The following RARA variants were observed in gnomAD, a reference collection of about 807,000 sequenced individuals.
RARA encodes PML-DDX5-RARA fusion.
In RARA, 5 loss-of-function variants were observed where a neutral mutation model predicts 42.8. That is an observed-to-expected ratio of 0.12 (90% CI 0.06 to 0.25). The LOEUF (loss-of-function observed/expected upper bound fraction) is 0.25. Among genes scored for constraint, RARA ranks in the 10% least tolerant of loss-of-function variants. The pLI, the probability that RARA is intolerant of heterozygous loss-of-function variation, is 1.00. For missense variants in RARA, 402 were observed against 628.7 expected, an observed-to-expected ratio of 0.64 and a Z score of 3.86; for synonymous variants, 256 against 259.5, an observed-to-expected ratio of 0.99 and a Z score of 0.13.
chr17:40,351,949 C>T lies in RARA; in HGVS notation c.509C>T (p.Pro170Leu), dbSNP rs747695319. The change falls in exon 5 of 9, where the codon CCC (proline) becomes CTC (leucine). Residue 170 changes from proline to leucine, a missense_variant. Around this residue, in one of 5 missense-constraint regions of RARA, gnomAD observed 130 missense variants for 267.9 expected, o/e 0.49. Coordinates refer to ENST00000254066, the MANE Select transcript of RARA (RefSeq NM_000964.4). This position sits in a 1 kb window ranked among gnomAD's most constrained non-coding sequence, Gnocchi z 4.1. ...CGAAACAAGAAGAAGAAGGAGGTGC[C>T]CAAGCCCGAGTGCTCTGAGAGCTAC... is the stretch of plus-strand genomic sequence containing the variant. ...NDRNKKKKEV[P>L]KPECSESYTL... is the part of the protein sequence containing the mutation. The T allele has an allele frequency of 6.2e-7, 1 of 1,612,650 alleles. No homozygotes were observed. Among genetic ancestry groups the T allele is most frequent in the Admixed American group, 1.7e-5 (1 of 59,590 alleles).
intron 2 of RARA, chr17:40,348,111 G>C (rs1464544336): frequency 2.2e-5 from 11 of 500,452 alleles, no homozygotes; most frequent in Non-Finnish European, 2.7e-5. Context: ...TAGGAGTCCA[G>C]AGGAGTGATG....
intron 6 of RARA, among the ~76,000 whole-genome samples, chr17:40,353,964 T>C (rs1328472949): frequency 6.6e-6 from 1 of 152,214 alleles, no homozygotes; most frequent in Non-Finnish European, 1.5e-5. Flanking sequence ...CTACATTCTT[T>C]GCATGTAGGC....
Position 40,355,881 on chromosome 17 carries a change from A to C in RARA, c.1172-128A>C, listed in dbSNP as rs2034606238. On this transcript the variant is annotated intron_variant, in intron 8 of 8. Transcript: ENST00000254066. The surrounding 1 kb of genome is among the most constrained non-coding windows in gnomAD (Gnocchi z 4.1). ...GCTTAAGAGAGCTGGCTCGTGTCAA[A>C]GAACTGAATCCCAAGAAAGATGCTA... 1 of 886,746 alleles carries C rather than the reference A, an allele frequency of 1.1e-6. No individual in the cohort carries two copies. The highest frequency in any genetic ancestry group is 2.8e-5 in the Admixed American group (1 of 35,418). 54.9% of individuals were successfully genotyped at this position (886,746 alleles called of 1,614,324 possible). A position where few individuals can be genotyped will look rare whatever the true frequency, so the allele number is the denominator to read the frequency against.
At position 40,352,426 on chromosome 17, in the gene RARA, C is replaced by T. The variant is rs150816475; in HGVS notation, c.726C>T (p.Phe242=). 67 of 1,613,904 alleles carry T rather than the reference C, an allele frequency of 4.2e-5. No homozygotes were observed. In the African/African-American group the frequency reaches 6.9e-4, roughly 17 times the overall value. The change falls in exon 6 of 9, where the codon TTC becomes TTT. Residue 242 remains phenylalanine (F), a synonymous_variant. Coordinates refer to ENST00000254066, the MANE Select transcript of RARA (RefSeq NM_000964.4). This position sits in a 1 kb window ranked among gnomAD's most constrained non-coding sequence, Gnocchi z 4.9. ...STKCIIKTVE[F]AKQLPGFTTL... is the part of the protein sequence containing the mutation. ...AGTGCATCATTAAGACTGTGGAGTT[C>T]GCCAAGCAGCTGCCCGGCTTCACCA...
chr17:40,324,618 G>A (rs939605843), intron 1 of RARA, among the ~76,000 whole-genome samples: 7 of 152,168 alleles, frequency 4.6e-5, no homozygotes, highest in Admixed American at 2.6e-4. Flanking sequence ...TATGGCGTGT[G>A]GGGGTCCTGC....
At position 40,309,206 on chromosome 17, in the gene RARA, G is replaced by A. The variant is rs1473998443; in HGVS notation, c.-443G>A. The stretch of plus-strand genomic sequence containing the variant: ...CAGCAGCCTAACCCAGAAGCAGGGG[G>A]GAATCCTGAATCGAGCTGAGAGGGC... On this transcript the variant is annotated 5_prime_UTR_variant, in exon 1 of 9. Transcript: ENST00000254066. 2.0e-5 allele frequency: 3 copies of A among 152,354 alleles called. No individual in the cohort carries two copies. Among genetic ancestry groups the A allele is most frequent in the African/African-American group, 7.2e-5 (3 of 41,454 alleles). 9.4% of individuals were successfully genotyped at this position (152,354 alleles called of 1,614,324 possible).
chr17:40,343,865 T>A (rs2034160291), intron 2 of RARA, among the ~76,000 whole-genome samples: 1 of 152,138 alleles, frequency 6.6e-6, no homozygotes, highest in African/African-American at 2.4e-5. Context: ...CTGTGCACAC[T>A]CAGGAGCTCG....
At chr17:40,333,542 G>A (rs756433356) in intron 2 of RARA, among the ~76,000 whole-genome samples, 2 of 151,006 alleles carry the variant, frequency 1.3e-5, no homozygotes, top group Non-Finnish European at 2.9e-5. Flanking sequence ...TGCCATGTTG[G>A]CCAGGCCAGT....
Position 40,331,122 on chromosome 17 carries a change from C to G in RARA, c.-97C>G. On this transcript the variant is annotated 5_prime_UTR_variant, in exon 2 of 9. In the 5' UTR this introduces an upstream ATG that the reference lacks. Coordinates refer to ENST00000254066, the MANE Select transcript of RARA (RefSeq NM_000964.4). ...GGTGGGCTGACCACCCAAACCCCAT[C>G]TGGGCCCAGGCCCCATGCCCCGAGG... 4.3e-6 allele frequency: 6 copies of G among 1,393,866 alleles called. No individual in the cohort carries two copies. In the South Asian group the frequency reaches 6.7e-5, roughly 16 times the overall value. The allele number at this position is 1,393,866 out of a possible 1,614,324, so 86.3% of individuals were successfully genotyped here. A position where few individuals can be genotyped will look rare whatever the true frequency, so the allele number is the denominator to read the frequency against.
intron 2 of RARA, among the ~76,000 whole-genome samples, chr17:40,336,590 A>C (rs900956476): frequency 1.3e-5 from 2 of 149,226 alleles, no homozygotes; most frequent in African/African-American, 5.0e-5. Flanking sequence ...GAGTTTCACC[A>C]TGTTAGCCAG....
chr17:40,336,998 G>A (rs1468830012), intron 2 of RARA, among the ~76,000 whole-genome samples: 3 of 152,204 alleles, frequency 2.0e-5, no homozygotes, highest in African/African-American at 4.8e-5. Context: ...GTGCCTGGCC[G>A]TGACCCAGAC....
intron 1 of RARA, among the ~76,000 whole-genome samples, chr17:40,315,169 T>C (rs199818699): frequency 0.088 from 9,438 of 107,118 alleles, 1,236 homozygotes; most frequent in African/African-American, 0.3. Flanking sequence ...TATATATATA[T>C]ATACACACAC....
chr17:40,315,131 TGTATATATATA>T (rs2033174549), intron 1 of RARA, among the ~76,000 whole-genome samples: 3 of 62,646 alleles, frequency 4.8e-5, no homozygotes, highest in East Asian at 1.4e-3. Context: ...TGCTTATATG[TGTATATATATA>T]TATATATATA....
Position 40,355,448 on chromosome 17 carries a change from C to T in RARA, c.1171+27C>T, listed in dbSNP as rs1278979176. ...TGAGGCTCACAGACCTGGAGGGGTA[C>T]CGGCCCCCGACACCTGGCCCAGGCC... On this transcript the variant is annotated intron_variant, in intron 8 of 8. Coordinates refer to ENST00000254066, the MANE Select transcript of RARA (RefSeq NM_000964.4). This position sits in a 1 kb window ranked among gnomAD's most constrained non-coding sequence, Gnocchi z 4.1. 1 of 1,592,948 alleles carries T rather than the reference C, an allele frequency of 6.3e-7. No homozygotes were observed. Among genetic ancestry groups the T allele is most frequent in the Non-Finnish European group, 8.6e-7 (1 of 1,165,610 alleles).
chr17:40,341,986 C>T, intron 2 of RARA: 1 of 1,110,322 alleles, frequency 9.0e-7, no homozygotes, highest in Non-Finnish European at 1.1e-6. Context: ...CCCAGGCTGC[C>T]CCCACTTGCC....
intron 4 of RARA, among the ~76,000 whole-genome samples, chr17:40,350,899 C>T (rs2034422008): frequency 6.6e-6 from 1 of 151,976 alleles, no homozygotes. Flanking sequence ...GTCACCTCCT[C>T]CTCTCTGTTT....
intron 2 of RARA, among the ~76,000 whole-genome samples, chr17:40,335,416 G>A (rs1005508426): frequency 1.3e-5 from 2 of 152,144 alleles, no homozygotes; most frequent in South Asian, 2.1e-4. Flanking sequence ...TGGGCTGGGC[G>A]TGGTGACTCA....
chr17:40,343,991 C>T (rs1273951755), intron 2 of RARA, among the ~76,000 whole-genome samples: 1 of 152,022 alleles, frequency 6.6e-6, no homozygotes, highest in African/African-American at 2.4e-5. Flanking sequence ...TTCTTCCCCT[C>T]CTGGGCTTTG....
intron 1 of RARA, among the ~76,000 whole-genome samples, chr17:40,322,471 G>A (rs1327636408): frequency 6.6e-6 from 1 of 152,048 alleles, no homozygotes; most frequent in Non-Finnish European, 1.5e-5. Context: ...GTCTCCATGT[G>A]TCACTGTACC....
Sources: gnomAD v4.1 joint callset for allele counts (sites outside exome capture counted in the v4.1 genomes callset) on GRCh38, gnomAD v4.1.1 for gene constraint, gnomAD v4.1.1 regional missense constraint, Gnocchi (gnomAD v3.1) non-coding constraint, MANE v1.5 for transcripts, NCBI Gene and HGNC (gene_info 2026-07-23, HGNC 2026-07-21) for gene names.